LRRK1: variants seen among roughly 807,000 people sequenced by gnomAD.
LRRK1 encodes leucine-rich repeat serine/threonine-protein kinase 1.
A neutral mutation model predicts 209.1 loss-of-function variants in LRRK1; 113 were observed. The ratio of observed to expected loss-of-function variants is 0.54; its 90% confidence interval spans 0.46 to 0.63. The LOEUF (loss-of-function observed/expected upper bound fraction) is 0.63. LRRK1 is among the 30% of genes least tolerant of loss of function. LRRK1 has a pLI of 0.00. For missense variants in LRRK1, 2,284 were observed against 2,632.2 expected (o/e 0.87, Z 2.89); for synonymous variants, 1,144 against 1,099.7 (o/e 1.04, Z -0.80).
At position 101,065,568 on chromosome 15, in the gene LRRK1, C is replaced by T. The variant is rs1316190212; in HGVS notation, c.5131C>T (p.Pro1711Ser). ...CTCTGAGGTCTGGTACAGCAATGGG[C>T]CGGGCCTCCTTGTCATCGACTGTGC... ...SGSEVWYSNG[P>S]GLLVIDCASL... Residue 1711 changes from proline (P) to serine (S), a missense_variant, in exon 32 of 34, where the codon CCG becomes TCG. Around this residue, in one of 6 missense-constraint regions of LRRK1, gnomAD observed 643 missense variants for 695.9 expected, o/e 0.92. Transcript: ENST00000388948. 6.2e-7 allele frequency: 1 copy of T among 1,614,222 alleles called. No individual in the cohort carries two copies. The highest frequency in any genetic ancestry group is 1.7e-5 in the Admixed American group (1 of 60,032).
rs867903054 is a variant in LRRK1 at position 100,962,827 on chromosome 15, T to A, written c.98-10977T>A. On this transcript the variant is annotated intron_variant, in intron 2 of 33. Coordinates refer to ENST00000388948, the MANE Select transcript of LRRK1 (RefSeq NM_024652.6). ...TATATATATATATATATATATATTT[T>A]TTTTTTTTTTTTTGAGATGGAGTTT... Among the ~76,000 whole-genome samples, 67 of 17,786 alleles carry A rather than the reference T, an allele frequency of 3.8e-3. 2 individuals are homozygous for A. Among genetic ancestry groups the A allele is most frequent in the East Asian group, 0.02 (26 of 1,316 alleles). The allele number at this position is 17,786 out of a possible 152,430, so 11.7% of individuals were successfully genotyped here.
chr15:101,038,328 C>G (rs1207574124), intron 20 of LRRK1, among the ~76,000 whole-genome samples: 3 of 152,166 alleles, frequency 2.0e-5, no homozygotes, highest in Admixed American at 1.3e-4. Flanking sequence ...AGAACTTTAT[C>G]ACGTAACCAA....
intron 2 of LRRK1, among the ~76,000 whole-genome samples, chr15:100,965,870 C>A (rs7173163): frequency 0.7 from 106,987 of 152,032 alleles, 37,977 homozygotes; most frequent in Middle Eastern, 0.76. Flanking sequence ...TTTAGAGAAC[C>A]AAAAGGATTT....
chr15:101,000,347 T>A (rs1381691130), intron 6 of LRRK1, among the ~76,000 whole-genome samples: 1 of 152,222 alleles, frequency 6.6e-6, no homozygotes, highest in Non-Finnish European at 1.5e-5. Context: ...TTTCCTTTTG[T>A]TATCTGTGTG....
At chr15:100,947,615 G>A (rs907368363) in intron 2 of LRRK1, among the ~76,000 whole-genome samples, 1 of 152,080 alleles carries the variant, frequency 6.6e-6, no homozygotes, top group Non-Finnish European at 1.5e-5. Flanking sequence ...TGCTCCTTCC[G>A]CTGCTGGAGA....
intron 20 of LRRK1, 135 bp from the exon 21 acceptor site, chr15:101,045,846 C>A: frequency 1.4e-6 from 1 of 693,806 alleles, no homozygotes; most frequent in Non-Finnish European, 2.5e-6. Flanking sequence ...ATTCCAAAGG[C>A]CCTGGGAGGA....
chr15:100,977,294 G>T (rs115673045), intron 3 of LRRK1, among the ~76,000 whole-genome samples: 2 of 151,888 alleles, frequency 1.3e-5, no homozygotes, highest in Non-Finnish European at 2.9e-5. Context: ...AACCCTCTTC[G>T]GCAAAACACT....
rs762111517 is a variant in LRRK1, at chr15:101,027,302, G to T, written c.2447G>T (p.Arg816Leu). Residue 816 changes from arginine (R) to leucine (L), a missense_variant, in exon 18 of 34, where the codon CGA becomes CTA. Coordinates refer to ENST00000388948, the MANE Select transcript of LRRK1 (RefSeq NM_024652.6). The surrounding 1 kb of genome is among the most constrained non-coding windows in gnomAD (Gnocchi z 5.1). ...CKSLEGQEGL[R>L]QLIFHVTCSM... ...AGCCTGGAAGGTCAGGAAGGGCTGCGACAGCTGATTTTCCACGTCACGTGC... is the reference window on the plus strand; with the variant it reads ...AGCCTGGAAGGTCAGGAAGGGCTGCTACAGCTGATTTTCCACGTCACGTGC... 2 of 1,614,124 alleles carry T rather than the reference G, an allele frequency of 1.2e-6. No individual in the cohort carries two copies. The highest frequency in any genetic ancestry group is 1.1e-5 in the South Asian group (1 of 91,080).
intron 33 of LRRK1, among the ~76,000 whole-genome samples, chr15:101,068,443 G>A (rs770967210): frequency 1.1e-4 from 17 of 152,152 alleles, no homozygotes; most frequent in South Asian, 4.1e-4. Context: ...GCCCATGGAC[G>A]CGAACTCATG....
rs1204493767 is a variant in LRRK1 at position 101,075,041 on chromosome 15, C to T, written c.*6193C>T. Reference sequence around the variant, plus strand: ...CACTGCCCGATCACCTCGGAAGCCCCCTAGACCATCACGGACGCCGAGCTG... The same window carrying T: ...CACTGCCCGATCACCTCGGAAGCCCTCTAGACCATCACGGACGCCGAGCTG... On this transcript the variant is annotated 3_prime_UTR_variant, in exon 34 of 34. Coordinates refer to ENST00000388948, the MANE Select transcript of LRRK1 (RefSeq NM_024652.6). 1 of 99,836 alleles carries T rather than the reference C, an allele frequency of 1.0e-5. No homozygotes were observed. Among genetic ancestry groups the T allele is most frequent in the Non-Finnish European group, 2.2e-5 (1 of 45,224 alleles). The allele number at this position is 99,836 out of a possible 1,614,324, so 6.2% of individuals were successfully genotyped here. A position where few individuals can be genotyped will look rare whatever the true frequency, so the allele number is the denominator to read the frequency against.
At chr15:101,055,266 C>A in intron 27 of LRRK1, 43 bp downstream of exon 27, 2 of 1,492,112 alleles carry the variant, frequency 1.3e-6, no homozygotes, top group Non-Finnish European at 1.8e-6. Context: ...AGTGTAGGAG[C>A]CCAGCCCTCA....
intron 1 of LRRK1, among the ~76,000 whole-genome samples, chr15:100,921,688 T>G (rs111593331): frequency 2.6e-5 from 4 of 152,318 alleles, no homozygotes; most frequent in African/African-American, 7.2e-5. Context: ...TAGAAAGAAC[T>G]CAATAAGACA....
intron 13 of LRRK1, 66 bp from the exon 14 acceptor site, chr15:101,021,779 T>C (rs1422532549): frequency 2.4e-3 from 6 of 2,540 alleles, no homozygotes; most frequent in East Asian, 0.045. Context: ...TGTGTGCGTG[T>C]GTGTGTGTGT....
chr15:101,039,137 C>T (rs1371539492), intron 20 of LRRK1, among the ~76,000 whole-genome samples: 1 of 152,140 alleles, frequency 6.6e-6, no homozygotes, highest in Non-Finnish European at 1.5e-5. Context: ...TTAGAATCAG[C>T]TTGTCTGATT....
At chr15:100,981,160 G>C (rs2031573693) in intron 3 of LRRK1, among the ~76,000 whole-genome samples, 1 of 152,168 alleles carries the variant, frequency 6.6e-6, no homozygotes, top group South Asian at 2.1e-4. Context: ...TCACTATGGA[G>C]CCTCCAGCCA....
chr15:100,941,404 G>GTGTGTCTGTGTGTGTGTGTGTGTGTC, intron 2 of LRRK1, among the ~76,000 whole-genome samples: 1 of 118,720 alleles, frequency 8.4e-6, no homozygotes, highest in African/African-American at 5.1e-5. Flanking sequence ...GTGTGTCTGT[G>GTGTGTCTGTGTGTGTGTGTGTGTGTC]TGTGTCTCTG....
intron 6 of LRRK1, 96 bp from the exon 7 acceptor site, chr15:101,008,741 C>T: frequency 1.1e-6 from 1 of 947,210 alleles, no homozygotes; most frequent in Non-Finnish European, 1.7e-6. Flanking sequence ...AGCAGGCACA[C>T]AGACGCGCAT....
At chr15:101,012,737 G>C (rs1341241917) in intron 10 of LRRK1, among the ~76,000 whole-genome samples, 1 of 152,140 alleles carries the variant, frequency 6.6e-6, no homozygotes, top group African/African-American at 2.4e-5. Flanking sequence ...GCAGCCTCTT[G>C]TGTGCGGCGA....
chr15:101,048,281 C>A (rs2035200753), intron 21 of LRRK1, among the ~76,000 whole-genome samples: 1 of 152,052 alleles, frequency 6.6e-6, no homozygotes. Flanking sequence ...TTTTTCAATT[C>A]TTTGGAAAAA....
Sources: allele counts gnomAD v4.1 joint callset (sites outside exome capture counted in the v4.1 genomes callset), GRCh38; gene constraint gnomAD v4.1.1; regional missense constraint gnomAD v4.1.1; non-coding constraint Gnocchi (gnomAD v3.1); transcripts MANE v1.5; gene names NCBI Gene and HGNC (gene_info 2026-07-23, HGNC 2026-07-21).